Variants in FAM120A observed in about 807,000 individuals in gnomAD.
FAM120A encodes constitutive coactivator of PPAR-gamma-like protein 1.
FAM120A carries 15 observed loss-of-function variants against 109.7 expected under a neutral mutation model. The observed-to-expected ratio is 0.14, with a 90% CI of 0.09 to 0.21. The LOEUF is 0.21. Ranked by LOEUF, FAM120A falls within the 10% of genes least tolerant of loss-of-function variation. FAM120A has a pLI of 1.00. For synonymous variants in FAM120A, 493 were observed against 572.8 expected (o/e 0.86, Z 1.99); for missense variants, 899 against 1,439.3 (o/e 0.62, Z 6.07).
intron 3 of FAM120A, among the ~76,000 whole-genome samples, chr9:93,483,577 C>T (rs1241215375): frequency 6.6e-6 from 1 of 151,932 alleles, no homozygotes; most frequent in Non-Finnish European, 1.5e-5. Context: ...ACAATTTAAT[C>T]AGTACAGAAA....
intron 5 of FAM120A, among the ~76,000 whole-genome samples, chr9:93,513,747 A>G (rs80157455): frequency 0.014 from 2,110 of 152,048 alleles, 56 homozygotes; most frequent in African/African-American, 0.047. Context: ...TCTGTGCTTC[A>G]CTCCCAGCGT....
At chr9:93,562,064 C>T in intron 16 of FAM120A, 144 bp from the exon 17 acceptor site, 1 of 681,932 alleles carries the variant, frequency 1.5e-6, no homozygotes, top group East Asian at 2.9e-5. Flanking sequence ...AAAAATTCAA[C>T]AAATTGCAAC....
chr9:93,509,832 C>T (rs1300713329), intron 5 of FAM120A, among the ~76,000 whole-genome samples: 1 of 152,138 alleles, frequency 6.6e-6, no homozygotes, highest in East Asian at 1.9e-4. Flanking sequence ...AAAAGAGATG[C>T]TTCAGGCTTT....
At position 93,452,943 on chromosome 9, in the gene FAM120A, C is replaced by A; in HGVS notation, c.474+554C>A. 7.2e-7 allele frequency: 1 copy of A among 1,397,650 alleles called. No individual in the cohort carries two copies. The highest frequency in any genetic ancestry group is 9.2e-7 in the Non-Finnish European group (1 of 1,081,188). The allele number at this position is 1,397,650 out of a possible 1,614,324, so 86.6% of individuals were successfully genotyped here. A position where few individuals can be genotyped will look rare whatever the true frequency, so the allele number is the denominator to read the frequency against. ...CGAGACGTGTCTAAGGGCCAGTGCC[C>A]TGGCCTCTACTTCAGAACGCAGTGC... On this transcript the variant is annotated intron_variant, in intron 1 of 17. Coordinates refer to ENST00000277165, the MANE Select transcript of FAM120A (RefSeq NM_014612.5). This position sits in a 1 kb window ranked among gnomAD's most constrained non-coding sequence, Gnocchi z 7.0.
chr9:93,526,631 G>A (rs2131454217), intron 7 of FAM120A, among the ~76,000 whole-genome samples: 1 of 152,112 alleles, frequency 6.6e-6, no homozygotes, highest in South Asian at 2.1e-4. Flanking sequence ...TACCTTCCCT[G>A]TCTTTCAGAT....
At chr9:93,511,135 C>T (rs1444943011) in intron 5 of FAM120A, among the ~76,000 whole-genome samples, 1 of 152,030 alleles carries the variant, frequency 6.6e-6, no homozygotes, top group East Asian at 1.9e-4. Flanking sequence ...ATTTTTCCCG[C>T]TGTTCCGAAT....
chr9:93,530,269 T>C (rs538825758), intron 9 of FAM120A: 1 of 152,586 alleles, frequency 6.6e-6, no homozygotes, highest in South Asian at 2.1e-4. Context: ...CAGTGATTTG[T>C]AGTCTTTATG....
At chr9:93,465,567 T>C (rs551618737) in intron 1 of FAM120A, among the ~76,000 whole-genome samples, 1 of 152,178 alleles carries the variant, frequency 6.6e-6, no homozygotes, top group East Asian at 1.9e-4. Context: ...TTCTAGAATA[T>C]TGACTCTTTT....
chr9:93,557,512 A>G (rs1242747496), intron 13 of FAM120A, among the ~76,000 whole-genome samples: 1 of 152,216 alleles, frequency 6.6e-6, no homozygotes, highest in Non-Finnish European at 1.5e-5. Context: ...TGTGAAAAGG[A>G]TTCTTGTTTT....
intron 5 of FAM120A, among the ~76,000 whole-genome samples, chr9:93,502,743 A>G (rs1274677955): frequency 2.0e-5 from 3 of 152,174 alleles, no homozygotes; most frequent in Non-Finnish European, 4.4e-5. Context: ...AATGGTTGTG[A>G]TTTGTTCTTT....
At chr9:93,460,537 A>G (rs1188763776) in intron 1 of FAM120A, among the ~76,000 whole-genome samples, 2 of 152,098 alleles carry the variant, frequency 1.3e-5, no homozygotes, top group East Asian at 1.9e-4. Flanking sequence ...GGGTTTCACT[A>G]TGTTGGCCAG....
At chr9:93,556,110 A>C (rs1165806578) in intron 12 of FAM120A, among the ~76,000 whole-genome samples, 1 of 152,178 alleles carries the variant, frequency 6.6e-6, no homozygotes, top group Non-Finnish European at 1.5e-5. Context: ...GTACAGTGTT[A>C]CTCTACACTG....
intron 3 of FAM120A, among the ~76,000 whole-genome samples, chr9:93,491,832 T>G (rs1007949218): frequency 3.9e-5 from 6 of 152,058 alleles, no homozygotes; most frequent in East Asian, 1.9e-4. Flanking sequence ...AAATGTTAAG[T>G]TTTTGGGCTA....
intron 9 of FAM120A, chr9:93,529,905 A>G: frequency 1.9e-6 from 1 of 539,618 alleles, no homozygotes; most frequent in Non-Finnish European, 3.3e-6. Context: ...TTCTTAAACC[A>G]TATTTGTGCT....
chr9:93,466,163 A>C (rs1352340026), intron 1 of FAM120A, among the ~76,000 whole-genome samples: 1 of 152,140 alleles, frequency 6.6e-6, no homozygotes. Flanking sequence ...GAAGCAGTAG[A>C]TGAGTCCAGT....
At chr9:93,554,019 C>G (rs1862195120) in intron 12 of FAM120A, among the ~76,000 whole-genome samples, 1 of 151,982 alleles carries the variant, frequency 6.6e-6, no homozygotes, top group Non-Finnish European at 1.5e-5. Context: ...GAACTTTTCT[C>G]TATTAGATTA....
chr9:93,475,169 A>C (rs1455230795), intron 2 of FAM120A, among the ~76,000 whole-genome samples: 1 of 152,248 alleles, frequency 6.6e-6, no homozygotes. Context: ...TATGTTTCAT[A>C]TATACCTTAT....
Position 93,451,700 on chromosome 9 carries a change from G to C in FAM120A, c.-216G>C. ...CGGCCTCGGCCTCGGCCTCGCAGCG[G>C]CGGCAGCGGCGGCGGCGGCAGGTCC... is the stretch of plus-strand genomic sequence containing the variant. On this transcript the variant is annotated 5_prime_UTR_variant, in exon 1 of 18. Transcript: ENST00000277165. 1.0e-6 allele frequency: 1 copy of C among 984,222 alleles called. No homozygotes were observed. Among genetic ancestry groups the C allele is most frequent in the Non-Finnish European group, 1.2e-6 (1 of 831,354 alleles). 61.0% of individuals were successfully genotyped at this position (984,222 alleles called of 1,614,324 possible). A position where few individuals can be genotyped will look rare whatever the true frequency, so the allele number is the denominator to read the frequency against.
chr9:93,564,179 T>C (rs753734235), intron 17 of FAM120A, 50 bp from the exon 18 acceptor site: 4 of 1,562,414 alleles, frequency 2.6e-6, no homozygotes, highest in Non-Finnish European at 3.5e-6. Flanking sequence ...TCCTCTCTCT[T>C]CTGTTTATCA....
Sources: allele counts gnomAD v4.1 joint callset (sites outside exome capture counted in the v4.1 genomes callset), GRCh38; gene constraint gnomAD v4.1.1; non-coding constraint Gnocchi (gnomAD v3.1); transcripts MANE v1.5; gene names NCBI Gene and HGNC (gene_info 2026-07-23, HGNC 2026-07-21).